The following MACROD2 variants were observed in gnomAD, a reference collection of about 807,000 sequenced individuals.
The protein encoded by MACROD2 is mono-ADP ribosylhydrolase 2.
Under a neutral mutation model 70.4 loss-of-function variants are expected in MACROD2, and 36 were observed. The ratio of observed to expected loss-of-function variants is 0.51; its 90% CI spans 0.39 to 0.68. The LOEUF (loss-of-function observed/expected upper bound fraction) is 0.68, where lower values mean the gene tolerates loss of function less well. Ranked by LOEUF, MACROD2 falls within the 30% of genes least tolerant of loss-of-function variation. The pLI, the probability that MACROD2 is intolerant of heterozygous loss-of-function variation, is 0.00. For missense variants in MACROD2, 496 were observed against 538.4 expected, an observed-to-expected ratio of 0.92 and a Z score of 0.78; for synonymous variants, 172 against 178.8, an observed-to-expected ratio of 0.96 and a Z score of 0.30.
chr20:15,528,938 T>C (rs1054263057), intron 8 of MACROD2, among the ~76,000 whole-genome samples: 1 of 152,214 alleles, frequency 6.6e-6, no homozygotes, highest in Admixed American at 6.5e-5. Flanking sequence ...CCATCAGTTT[T>C]GACCATTTGG....
At chr20:14,975,799 T>G (rs954592160) in intron 5 of MACROD2, among the ~76,000 whole-genome samples, 1 of 152,134 alleles carries the variant, frequency 6.6e-6, no homozygotes, top group Non-Finnish European at 1.5e-5. Context: ...CAAGTTGTAT[T>G]TGAACCTGAG....
chr20:14,709,540 G>C (rs368648384), intron 5 of MACROD2, among the ~76,000 whole-genome samples: 1 of 152,032 alleles, frequency 6.6e-6, no homozygotes, highest in Non-Finnish European at 1.5e-5. Flanking sequence ...TAGGTCTGGC[G>C]TCAAATTTCT....
At chr20:14,270,276 C>T (rs1366131693) in intron 3 of MACROD2, among the ~76,000 whole-genome samples, 1 of 152,004 alleles carries the variant, frequency 6.6e-6, no homozygotes, top group Non-Finnish European at 1.5e-5. Flanking sequence ...GATTCCATTG[C>T]AAGGTGGATC....
chr20:15,282,234 C>CGTTTT (rs1315335049), intron 6 of MACROD2, among the ~76,000 whole-genome samples: 1 of 152,222 alleles, frequency 6.6e-6, no homozygotes, highest in Non-Finnish European at 1.5e-5. Flanking sequence ...GTTCTGGAGA[C>CGTTTT]GTTTTCCCCA....
At chr20:15,645,999 T>G (rs990120907) in intron 8 of MACROD2, among the ~76,000 whole-genome samples, 1 of 152,170 alleles carries the variant, frequency 6.6e-6, no homozygotes. Context: ...GAATGACTGG[T>G]ATTCTCTTGT....
At chr20:15,887,306 C>G (rs1412648090) in intron 10 of MACROD2, among the ~76,000 whole-genome samples, 1 of 152,114 alleles carries the variant, frequency 6.6e-6, no homozygotes, top group Non-Finnish European at 1.5e-5. Context: ...CTTCTCCAGT[C>G]CAAACATGTC....
intron 5 of MACROD2, among the ~76,000 whole-genome samples, chr20:15,083,691 G>A (rs571562465): frequency 6.6e-6 from 1 of 151,796 alleles, no homozygotes; most frequent in Non-Finnish European, 1.5e-5. Flanking sequence ...ACAATGAAAC[G>A]CCATCTTTAA....
At chr20:15,961,821 G>T (rs2066065757) in intron 12 of MACROD2, among the ~76,000 whole-genome samples, 1 of 152,160 alleles carries the variant, frequency 6.6e-6, no homozygotes, top group South Asian at 2.1e-4. Context: ...GGCCTGGTAA[G>T]ATTTTATTTT....
intron 4 of MACROD2, among the ~76,000 whole-genome samples, chr20:14,584,098 C>G (rs1600415970): frequency 6.6e-6 from 1 of 152,072 alleles, no homozygotes; most frequent in East Asian, 1.9e-4. Flanking sequence ...CCATTTTATT[C>G]TAACCAATGA....
intron 2 of MACROD2, among the ~76,000 whole-genome samples, chr20:14,018,768 G>A (rs1213023207): frequency 6.6e-6 from 1 of 152,164 alleles, no homozygotes; most frequent in Non-Finnish European, 1.5e-5. Context: ...CATCTCATCT[G>A]GGTCACCGGA....
At chr20:15,587,073 A>G (rs563360764) in intron 8 of MACROD2, among the ~76,000 whole-genome samples, 44 of 152,312 alleles carry the variant, frequency 2.9e-4, no homozygotes, top group South Asian at 1.9e-3. Flanking sequence ...ACTGCTGATA[A>G]ATCATACCTG....
intron 5 of MACROD2, among the ~76,000 whole-genome samples, chr20:14,802,170 G>A (rs2072584623): frequency 2.0e-5 from 3 of 152,132 alleles, no homozygotes; most frequent in South Asian, 4.1e-4. Context: ...GCATGCCTGA[G>A]TTTCTTTTTA....
Position 14,207,642 on chromosome 20 carries a change from G to A in MACROD2, c.271+121914G>A, listed in dbSNP as rs144587322. Among the ~76,000 whole-genome samples, 467 of 152,306 alleles carry A rather than the reference G, an allele frequency of 3.1e-3. 8 individuals are homozygous for A. Among genetic ancestry groups the A allele is most frequent in the African/African-American group, 0.011 (444 of 41,560 alleles). On this transcript the variant is annotated intron_variant, in intron 3 of 17. Coordinates refer to ENST00000684519, the MANE Select transcript of MACROD2 (RefSeq NM_001351661.2). ...TAAAAAATTACAGATAACTCAGAAAGCTATTCGGTTATGAGGCAGAAAAGA... is the reference window on the plus strand; with the variant it reads ...TAAAAAATTACAGATAACTCAGAAAACTATTCGGTTATGAGGCAGAAAAGA...
chr20:15,870,519 A>T (rs1349874661), intron 9 of MACROD2, among the ~76,000 whole-genome samples: 3 of 152,176 alleles, frequency 2.0e-5, no homozygotes, highest in African/African-American at 7.2e-5. Flanking sequence ...TAAGAGTGAT[A>T]GGCCATGACG....
chr20:14,494,487 C>T (rs899919691), intron 4 of MACROD2, among the ~76,000 whole-genome samples: 30 of 152,058 alleles, frequency 2.0e-4, no homozygotes, highest in African/African-American at 6.8e-4. Context: ...AAGTGCTCTT[C>T]GTATTATCAC....
chr20:15,249,667 C>T (rs976916599), intron 6 of MACROD2, among the ~76,000 whole-genome samples: 1 of 152,216 alleles, frequency 6.6e-6, no homozygotes, highest in Non-Finnish European at 1.5e-5. Context: ...AGTTTAAAGG[C>T]AGTCTACAGT....
intron 15 of MACROD2, among the ~76,000 whole-genome samples, chr20:16,026,670 C>T (rs776725561): frequency 2.0e-5 from 3 of 152,110 alleles, no homozygotes; most frequent in Non-Finnish European, 2.9e-5. Flanking sequence ...TCTCTGGGGT[C>T]CTCTGTTCAC....
At chr20:15,291,676 ATTAG>A (rs1352694245) in intron 6 of MACROD2, among the ~76,000 whole-genome samples, 2 of 152,184 alleles carry the variant, frequency 1.3e-5, no homozygotes, top group African/African-American at 4.8e-5. Flanking sequence ...AAGTATTATT[ATTAG>A]TTTAAAGAAA....
At chr20:16,000,508 A>C (rs188872181) in intron 15 of MACROD2, among the ~76,000 whole-genome samples, 13 of 152,334 alleles carry the variant, frequency 8.5e-5, no homozygotes. Flanking sequence ...TGTACTCAGA[A>C]GCCTATTACC....
Sources: gnomAD v4.1 joint callset for allele counts (sites outside exome capture counted in the v4.1 genomes callset) on GRCh38, gnomAD v4.1.1 for gene constraint, MANE v1.5 for transcripts, NCBI Gene and HGNC (gene_info 2026-07-23, HGNC 2026-07-21) for gene names.